EHD4: variants seen among roughly 807,000 people sequenced by gnomAD.
EHD4 encodes EH domain-containing protein 4.
A neutral mutation model predicts 51.0 loss-of-function variants in EHD4; 37 were observed. The observed-to-expected ratio is 0.73, with a 90% CI of 0.56 to 0.95. EHD4 has a LOEUF of 0.95. Ranked by LOEUF, EHD4 falls within the 40% of genes least tolerant of loss-of-function variation. The probability of loss-of-function intolerance (pLI) is 0.00; values close to 1 mark genes in which losing one functional copy is unlikely to be tolerated. For missense variants in EHD4, 632 were observed against 733.1 expected, an observed-to-expected ratio of 0.86 and a Z score of 1.59; for synonymous variants, 297 against 317.3, an observed-to-expected ratio of 0.94 and a Z score of 0.68.
chr15:41,936,073 A>T (rs192626379), intron 3 of EHD4, among the ~76,000 whole-genome samples: 6 of 152,364 alleles, frequency 3.9e-5, no homozygotes, highest in Middle Eastern at 3.4e-3. Flanking sequence ...TTTCCACAGA[A>T]TGAACACTTG....
Position 41,905,971 on chromosome 15 carries a change from C to T in EHD4, c.1089+3728G>A, listed in dbSNP as rs999515485. Among the ~76,000 whole-genome samples the T allele has an allele frequency of 4.6e-5, 7 of 152,336 alleles. No homozygotes were observed. In the East Asian group the frequency reaches 1.4e-3, roughly 29 times the overall value. On this transcript the variant is annotated intron_variant, in intron 5 of 5. Coordinates refer to ENST00000220325, the MANE Select transcript of EHD4 (RefSeq NM_139265.4). ...ACAGGCGTAAGCCACTATGTCCAGC[C>T]TCATTTGTTCATTTTTTTGTGTTGA...
intron 4 of EHD4, among the ~76,000 whole-genome samples, chr15:41,914,276 C>T (rs933823301): frequency 6.6e-6 from 1 of 152,200 alleles, no homozygotes; most frequent in African/African-American, 2.4e-5. Flanking sequence ...ACGCAACCTG[C>T]TGGAGACCTG....
chr15:41,915,592 A>G (rs1361963080), intron 4 of EHD4, among the ~76,000 whole-genome samples: 1 of 152,234 alleles, frequency 6.6e-6, no homozygotes. Flanking sequence ...ATTCTTGGGC[A>G]ATACGCTTCT....
At chr15:41,935,034 C>G (rs1230187159) in intron 3 of EHD4, among the ~76,000 whole-genome samples, 1 of 152,178 alleles carries the variant, frequency 6.6e-6, no homozygotes, top group South Asian at 2.1e-4. Context: ...CTGATCTCAT[C>G]ACCCACCACT....
intron 4 of EHD4, among the ~76,000 whole-genome samples, chr15:41,913,450 G>A (rs2140986022): frequency 1.3e-5 from 2 of 152,318 alleles, no homozygotes; most frequent in East Asian, 3.9e-4. Context: ...TTGAAGATGA[G>A]GCTCAGGCCC....
In EHD4 at chr15:41,897,238, C is replaced by G. The variant is rs1366889564; in HGVS notation, c.*3407G>C. On this transcript the variant is annotated 3_prime_UTR_variant, in exon 6 of 6. Coordinates refer to ENST00000220325, the MANE Select transcript of EHD4 (RefSeq NM_139265.4). ...TGCTACATCCCATGGAGAAAATAAA[C>G]AGTGAAACACTTTCCTCATCTTCAA... 6 of 152,210 alleles carry G rather than the reference C, an allele frequency of 3.9e-5. No individual in the cohort carries two copies. The highest frequency in any genetic ancestry group is 1.4e-4 in the African/African-American group (6 of 41,448). The allele number at this position is 152,210 out of a possible 1,614,324, so 9.4% of individuals were successfully genotyped here.
chr15:41,900,923 C>T lies in EHD4; in HGVS notation c.1348G>A (p.Val450Ile), dbSNP rs200556898. 451 of 1,614,118 alleles carry T rather than the reference C, an allele frequency of 2.8e-4. No individual in the cohort carries two copies. In the East Asian group the frequency reaches 2.9e-3, roughly 10 times the overall value. ...AGAGTGTAGAAGAGCTCGTCGTAGA[C>T]GGGCTTGTCTTTGGCCACGACCCAC... Reference protein sequence around the residue: ...EEWVVAKDKPVYDELFYTLSP... With the variant: ...EEWVVAKDKPIYDELFYTLSP... Residue 450 changes from valine (V) to isoleucine (I), a missense_variant, in exon 6 of 6, where the codon GTC becomes ATC. Transcript: ENST00000220325. This position sits in a 1 kb window ranked among gnomAD's most constrained non-coding sequence, Gnocchi z 4.8.
At chr15:41,969,438 C>T (rs763479502) in intron 1 of EHD4, among the ~76,000 whole-genome samples, 2 of 151,984 alleles carry the variant, frequency 1.3e-5, no homozygotes, top group Non-Finnish European at 1.5e-5. Flanking sequence ...CCCAGCTACT[C>T]GGGAGGCTGA....
intron 5 of EHD4, among the ~76,000 whole-genome samples, chr15:41,904,762 A>G (rs2067501655): frequency 6.6e-6 from 1 of 152,244 alleles, no homozygotes; most frequent in African/African-American, 2.4e-5. Context: ...CCTTCCAGTC[A>G]GAGGAGCAGA....
intron 1 of EHD4, among the ~76,000 whole-genome samples, chr15:41,969,912 C>T (rs1316463387): frequency 6.6e-6 from 1 of 152,152 alleles, no homozygotes; most frequent in Non-Finnish European, 1.5e-5. Flanking sequence ...AGATAAGAAT[C>T]TATGGCTATG....
chr15:41,936,999 CA>C (rs2067735753), intron 3 of EHD4, among the ~76,000 whole-genome samples: 1 of 152,256 alleles, frequency 6.6e-6, no homozygotes, highest in Non-Finnish European at 1.5e-5. Context: ...GGCTGGGCCC[CA>C]GCCTCCAGGG....
Position 41,898,645 on chromosome 15 carries a change from T to C in EHD4, c.*2000A>G, listed in dbSNP as rs536851392. ...ACGAGGTCAGGAGATCGAGACCATATTGACCAACATGGTAAAACCCCATCT... is the reference window on the plus strand; with the variant it reads ...ACGAGGTCAGGAGATCGAGACCATACTGACCAACATGGTAAAACCCCATCT... On this transcript the variant is annotated 3_prime_UTR_variant, in exon 6 of 6. Transcript: ENST00000220325. 2 of 152,140 alleles carry C rather than the reference T, an allele frequency of 1.3e-5. No homozygotes were observed. The highest frequency in any genetic ancestry group is 3.9e-4 in the East Asian group (2 of 5,164). 9.4% of individuals were successfully genotyped at this position (152,140 alleles called of 1,614,324 possible).
chr15:41,959,648 T>C (rs1022616674), intron 1 of EHD4, among the ~76,000 whole-genome samples: 1 of 152,038 alleles, frequency 6.6e-6, no homozygotes, highest in Admixed American at 6.6e-5. Context: ...TACTCTGATT[T>C]GATTTGAGCC....
intron 1 of EHD4, 100 bp downstream of exon 1, chr15:41,972,159 G>C: frequency 8.3e-7 from 1 of 1,200,724 alleles, no homozygotes; most frequent in Non-Finnish European, 1.0e-6. Flanking sequence ...CCCCGAGGTC[G>C]CGCCGGCCGG....
intron 3 of EHD4, among the ~76,000 whole-genome samples, chr15:41,922,228 A>G (rs1441130708): frequency 6.6e-6 from 1 of 152,098 alleles, no homozygotes; most frequent in Non-Finnish European, 1.5e-5. Flanking sequence ...CTCTACAAAA[A>G]ATAAAAACAA....
rs1012794737 is a variant in EHD4 at position 41,896,724 on chromosome 15, C to T, written c.*3921G>A. The T allele has an allele frequency of 2.6e-5, 4 of 152,308 alleles. 1 individual carries two copies. The highest frequency in any genetic ancestry group is 5.9e-5 in the Non-Finnish European group (4 of 68,122). 9.4% of individuals were successfully genotyped at this position (152,308 alleles called of 1,614,324 possible). ...CCCTAGCACGACTGGAGAAAGGACT[C>T]CTGTGAAGCGGTCACCTCCATGAGT... is the stretch of plus-strand genomic sequence containing the variant. On this transcript the variant is annotated 3_prime_UTR_variant, in exon 6 of 6. Coordinates refer to ENST00000220325, the MANE Select transcript of EHD4 (RefSeq NM_139265.4).
intron 1 of EHD4, among the ~76,000 whole-genome samples, chr15:41,957,807 TG>T (rs1157806186): frequency 6.6e-5 from 10 of 152,216 alleles, no homozygotes; most frequent in African/African-American, 2.4e-4. Flanking sequence ...CAGATTCATC[TG>T]TTACACTGCT....
chr15:41,964,978 C>T (rs193009916), intron 1 of EHD4, among the ~76,000 whole-genome samples: 3 of 151,966 alleles, frequency 2.0e-5, no homozygotes, highest in Non-Finnish European at 4.4e-5. Flanking sequence ...CACCATGTTG[C>T]CCAGGCTGAT....
intron 1 of EHD4, among the ~76,000 whole-genome samples, chr15:41,971,223 T>C (rs1219106652): frequency 6.6e-6 from 1 of 152,198 alleles, no homozygotes; most frequent in East Asian, 1.9e-4. Flanking sequence ...ATGGCATGTA[T>C]CCAAATATAG....
Sources: allele counts gnomAD v4.1 joint callset (sites outside exome capture counted in the v4.1 genomes callset), GRCh38; gene constraint gnomAD v4.1.1; non-coding constraint Gnocchi (gnomAD v3.1); transcripts MANE v1.5; gene names NCBI Gene and HGNC (gene_info 2026-07-23, HGNC 2026-07-21).